Variants in FBXW11 observed in about 807,000 individuals in gnomAD.
FBXW11 encodes the protein F-box and WD repeat domain containing 11, also known as F-box/WD repeat-containing protein 11.
A neutral mutation model predicts 77.6 loss-of-function variants in FBXW11; 19 were observed. That is an observed-to-expected ratio of 0.24 (90% CI 0.17 to 0.36). The LOEUF is 0.36. Among genes scored for constraint, FBXW11 ranks in the 10% least tolerant of loss-of-function variants. The pLI is 1.00. For synonymous variants in FBXW11, 235 were observed against 249.4 expected, an observed-to-expected ratio of 0.94 and a Z score of 0.54; for missense variants, 334 against 704.2, an observed-to-expected ratio of 0.47 and a Z score of 5.95.
chr5:171,883,037 T>C (rs1758630661), intron 7 of FBXW11, among the ~76,000 whole-genome samples: 1 of 152,080 alleles, frequency 6.6e-6, no homozygotes, highest in South Asian at 2.1e-4. Context: ...ACATATGATG[T>C]TTGGTTTTTC....
rs115972453 is a variant in FBXW11 at position 171,966,803 on chromosome 5, A to G, written c.46-9105T>C. Among the ~76,000 whole-genome samples the G allele has an allele frequency of 3.1e-3, 478 of 152,368 alleles. 2 individuals carry two copies. Among genetic ancestry groups the G allele is most frequent in the African/African-American group, 0.011 (443 of 41,578 alleles). On this transcript the variant is annotated intron_variant, in intron 1 of 13. Transcript: ENST00000517395. ...TAATCTTTTTCAATAAAAATGTTAAATGACATGAAAATTAACAAAGAAGGA... is the reference window on the plus strand; with the variant it reads ...TAATCTTTTTCAATAAAAATGTTAAGTGACATGAAAATTAACAAAGAAGGA...
chr5:171,916,574 T>C, intron 2 of FBXW11: 1 of 465,948 alleles, frequency 2.1e-6, no homozygotes, highest in African/African-American at 2.1e-5. Flanking sequence ...TTTATGGAGG[T>C]CTCTCCATGT....
At chr5:171,956,103 A>T (rs537889895) in intron 2 of FBXW11, among the ~76,000 whole-genome samples, 1 of 152,338 alleles carries the variant, frequency 6.6e-6, no homozygotes, top group African/African-American at 2.4e-5. Flanking sequence ...GTTCTGGAAA[A>T]AACTCGGTCA....
chr5:171,974,725 A>G (rs1764725870), intron 1 of FBXW11, among the ~76,000 whole-genome samples: 6 of 152,168 alleles, frequency 3.9e-5, no homozygotes, highest in Admixed American at 3.9e-4. Flanking sequence ...ACAAGACCTC[A>G]TCTCTTAAAA....
intron 2 of FBXW11, among the ~76,000 whole-genome samples, chr5:171,917,766 C>CTGTGTGTGTGTGTGTGTGTGTGTG (rs60601173): frequency 6.8e-6 from 1 of 147,462 alleles, no homozygotes; most frequent in Non-Finnish European, 1.5e-5. Flanking sequence ...TAGACTCACT[C>CTGTGTGTGTGTGTGTGTGTGTGTG]TGTGTGTGTG....
chr5:171,871,531 T>C (rs1240736035), intron 10 of FBXW11, among the ~76,000 whole-genome samples: 1 of 152,206 alleles, frequency 6.6e-6, no homozygotes, highest in Non-Finnish European at 1.5e-5. Flanking sequence ...CACGCAGTGT[T>C]CTGGTGGAAA....
chr5:171,870,916 G>T, intron 10 of FBXW11, 58 bp from the exon 11 acceptor site: 1 of 1,269,348 alleles, frequency 7.9e-7, no homozygotes, highest in Non-Finnish European at 1.1e-6. Context: ...CACACTATCC[G>T]TAAGTTTTTT....
At chr5:171,951,071 T>C (rs1763287546) in intron 2 of FBXW11, among the ~76,000 whole-genome samples, 1 of 152,088 alleles carries the variant, frequency 6.6e-6, no homozygotes, top group South Asian at 2.1e-4. Context: ...CTTTTCTGTA[T>C]ATAATTTAAT....
intron 3 of FBXW11, among the ~76,000 whole-genome samples, chr5:171,913,834 C>CACAT (rs59694449): frequency 0.057 from 7,884 of 137,912 alleles, 458 homozygotes; most frequent in African/African-American, 0.1. Context: ...CACACACACA[C>CACAT]ACACACACAC....
Position 171,876,386 on chromosome 5 carries a change from T to G in FBXW11, c.1120A>C (p.Ile374Leu). The change falls in exon 9 of 14, where the codon ATC becomes CTC. Residue 374 changes from isoleucine (I) to leucine (L), a missense_variant. Ile to Leu is a conservative substitution (Grantham distance 5). Around this residue, in one of 10 missense-constraint regions of FBXW11, gnomAD observed 50 missense variants for 119.6 expected, o/e 0.42. Transcript: ENST00000517395. This position sits in a 1 kb window ranked among gnomAD's most constrained non-coding sequence, Gnocchi z 4.2. Reference sequence around the variant, plus strand: ...CCAACCAGGACACGGCGTAAAGTGATGTCGGTCGCAGAAGCCATGTCCCAC... The same window carrying G: ...CCAACCAGGACACGGCGTAAAGTGAGGTCGGTCGCAGAAGCCATGTCCCAC... ...AVWDMASATDITLRRVLVGHR... is the reference protein window; with the variant it reads ...AVWDMASATDLTLRRVLVGHR... 1 of 1,614,112 alleles carries G rather than the reference T, an allele frequency of 6.2e-7. No individual in the cohort carries two copies. The highest frequency in any genetic ancestry group is 1.1e-5 in the South Asian group (1 of 91,080).
At chr5:171,889,192 T>A (rs572970193) in intron 7 of FBXW11, among the ~76,000 whole-genome samples, 6 of 152,304 alleles carry the variant, frequency 3.9e-5, no homozygotes, top group African/African-American at 1.4e-4. Context: ...ATCGAAAGCA[T>A]GATCCATAAA....
intron 7 of FBXW11, among the ~76,000 whole-genome samples, chr5:171,891,182 A>T (rs1413382813): frequency 6.6e-6 from 1 of 152,200 alleles, no homozygotes; most frequent in African/African-American, 2.4e-5. Flanking sequence ...CAGCTGGCAA[A>T]GTAATCAAGA....
intron 10 of FBXW11, 26 bp downstream of exon 10, chr5:171,872,846 C>T (rs1315532491): frequency 6.4e-7 from 1 of 1,563,674 alleles, no homozygotes; most frequent in Non-Finnish European, 8.8e-7. Flanking sequence ...TCAGCCTGCT[C>T]TGTCAGCACA....
chr5:171,911,341 T>G (rs1317475266), intron 3 of FBXW11, among the ~76,000 whole-genome samples: 1 of 152,228 alleles, frequency 6.6e-6, no homozygotes, highest in African/African-American at 2.4e-5. Flanking sequence ...AGGTTTCGGT[T>G]TTATTAGTCT....
At chr5:171,965,763 G>T (rs905993242) in intron 1 of FBXW11, among the ~76,000 whole-genome samples, 14 of 151,846 alleles carry the variant, frequency 9.2e-5, no homozygotes, top group African/African-American at 3.4e-4. Context: ...AGAGTAACTT[G>T]ACAATTTTTT....
intron 2 of FBXW11, among the ~76,000 whole-genome samples, chr5:171,919,923 A>T (rs1021865440): frequency 2.6e-5 from 4 of 152,102 alleles, no homozygotes; most frequent in African/African-American, 9.7e-5. Flanking sequence ...TGGGAGGCTG[A>T]AGTGGGCGGA....
At chr5:171,965,163 C>T (rs1764117786) in intron 1 of FBXW11, among the ~76,000 whole-genome samples, 1 of 152,182 alleles carries the variant, frequency 6.6e-6, no homozygotes, top group African/African-American at 2.4e-5. Context: ...CCAAACTTTG[C>T]TTAAACACCA....
intron 13 of FBXW11, among the ~76,000 whole-genome samples, chr5:171,867,539 T>C (rs1411047559): frequency 2.0e-5 from 3 of 151,122 alleles, no homozygotes; most frequent in Non-Finnish European, 4.4e-5. Flanking sequence ...CCTGGTTATA[T>C]AGTTTCTTGA....
Position 171,919,359 on chromosome 5 carries a change from A to C in FBXW11, c.148-4954T>G, listed in dbSNP as rs1315251980. Among the ~76,000 whole-genome samples, 6 of 152,290 alleles carry C rather than the reference A, an allele frequency of 3.9e-5. No individual in the cohort carries two copies. In the East Asian group the frequency reaches 1.2e-3, roughly 29 times the overall value. On this transcript the variant is annotated intron_variant, in intron 2 of 13. Transcript: ENST00000517395. ...TGATGCAGCCCATGTGGTAGCACCAACCTAAGTAAGGAAGCTGCACTGATG... is the reference window on the plus strand; with the variant it reads ...TGATGCAGCCCATGTGGTAGCACCACCCTAAGTAAGGAAGCTGCACTGATG...
Sources: allele counts gnomAD v4.1 joint callset (sites outside exome capture counted in the v4.1 genomes callset), GRCh38; gene constraint gnomAD v4.1.1; regional missense constraint gnomAD v4.1.1; non-coding constraint Gnocchi (gnomAD v3.1); transcripts MANE v1.5; gene names NCBI Gene and HGNC (gene_info 2026-07-23, HGNC 2026-07-21).